Variants in BPIFC observed in about 807,000 individuals in gnomAD.
BPIFC encodes the protein BPI fold-containing family C protein.
A neutral mutation model predicts 57.6 loss-of-function variants in BPIFC; 60 were observed. That is an observed-to-expected ratio of 1.04 (90% CI 0.85 to 1.29). BPIFC has a LOEUF of 1.29. BPIFC is among the 50% of genes most tolerant of loss of function. The pLI is 0.00. For missense variants in BPIFC, 581 were observed against 600.5 expected (o/e 0.97, Z 0.34); for synonymous variants, 243 against 224.5 (o/e 1.08, Z -0.74).
At chr22:32,415,855 G>C (rs1387224315) in intron 16 of BPIFC, 60 bp downstream of exon 16, 2 of 1,183,478 alleles carry the variant, frequency 1.7e-6, no homozygotes, top group African/African-American at 3.3e-5. Context: ...AAAACAGGAG[G>C]AGGCTTAGTC....
intron 8 of BPIFC, 133 bp downstream of exon 8, chr22:32,442,538 C>T (rs5998493): frequency 0.23 from 192,411 of 850,044 alleles, 22,775 homozygotes; most frequent in Middle Eastern, 0.34. Flanking sequence ...AGCACCTTCC[C>T]GGGGCTCTAA....
At chr22:32,415,412 G>GT (rs1297786193) in intron 16 of BPIFC, among the ~76,000 whole-genome samples, 1 of 152,198 alleles carries the variant, frequency 6.6e-6, no homozygotes, top group East Asian at 1.9e-4. Context: ...AGAAAAAAAG[G>GT]TATTCTGAAG....
intron 13 of BPIFC, among the ~76,000 whole-genome samples, chr22:32,428,760 G>A (rs1934144544): frequency 6.6e-6 from 1 of 151,960 alleles, no homozygotes; most frequent in South Asian, 2.1e-4. Flanking sequence ...TTAGCCAGGT[G>A]TGGTGGCAGG....
intron 1 of BPIFC, among the ~76,000 whole-genome samples, chr22:32,462,168 C>CAAAAAAAAAAAAAAAAAAAAAGAAAA (rs1935174978): frequency 1.9e-5 from 1 of 53,598 alleles, no homozygotes; most frequent in Non-Finnish European, 3.2e-5. Flanking sequence ...GACTCCATCT[C>CAAAAAAAAAAAAAAAAAAAAAGAAAA]AAAAAAAAAA....
At chr22:32,462,184 A>AG (rs1374737026) in intron 1 of BPIFC, among the ~76,000 whole-genome samples, 16 of 145,768 alleles carry the variant, frequency 1.1e-4, no homozygotes, top group South Asian at 8.4e-4. Context: ...AAAAAAAAAA[A>AG]AAAAAAGAAA....
At chr22:32,448,481 C>A (rs970078736) in intron 4 of BPIFC, among the ~76,000 whole-genome samples, 1 of 152,192 alleles carries the variant, frequency 6.6e-6, no homozygotes, top group Non-Finnish European at 1.5e-5. Context: ...AGAAACGTGC[C>A]TTCCTCCTAT....
In BPIFC at chr22:32,435,841, A is replaced by AGG. The variant is rs199560755; in HGVS notation, c.785_786dup (p.Phe263ProfsTer78). 2.6e-5 allele frequency: 42 copies of AGG among 1,614,058 alleles called. No individual in the cohort carries two copies. In the East Asian group the frequency reaches 4.9e-4, roughly 19 times the overall value. On this transcript the variant is annotated frameshift_variant, in exon 10 of 17. Transcript: ENST00000300399. LOFTEE classifies it high-confidence loss of function. ...GGGAGCACAAAAGGAACTGGTGAGA[A>AGG]GGGGGGGTCGGTGAGGTTTTCCAGT...
chr22:32,439,256 C>T (rs1193183368), intron 8 of BPIFC, among the ~76,000 whole-genome samples: 1 of 151,778 alleles, frequency 6.6e-6, no homozygotes, highest in East Asian at 1.9e-4. Flanking sequence ...ACCCAGGAGG[C>T]GCAGGTTGCG....
intron 7 of BPIFC, among the ~76,000 whole-genome samples, chr22:32,444,239 G>T (rs17770589): frequency 0.059 from 8,935 of 152,204 alleles, 276 homozygotes; most frequent in Non-Finnish European, 0.064. Flanking sequence ...AGTGCACTTT[G>T]CCAGGGACTC....
At chr22:32,452,235 T>C (rs1408553413) in intron 4 of BPIFC, among the ~76,000 whole-genome samples, 2 of 152,228 alleles carry the variant, frequency 1.3e-5, no homozygotes, top group East Asian at 1.9e-4. Flanking sequence ...AGGCTTGATA[T>C]GTAGCAGGTG....
chr22:32,433,202 CA>C (rs1934297491), intron 11 of BPIFC, among the ~76,000 whole-genome samples: 1 of 152,110 alleles, frequency 6.6e-6, no homozygotes, highest in African/African-American at 2.4e-5. Context: ...GACCCTGTCT[CA>C]AAAAACAAAC....
Position 32,424,600 on chromosome 22 carries a change from T to TCTTCTTCTTCTTCTTCTCCTC in BPIFC, c.1218-5197_1218-5196insGAGGAGAAGAAGAAGAAGAAG, listed in dbSNP as rs1223346653. On this transcript the variant is annotated intron_variant, in intron 13 of 16. Transcript: ENST00000300399. ...TTCTTCTTCTTCTTCTTCTTCTTCTTCTCCTCCTCCTCCTCCTCCTCCTCC... is the reference window on the plus strand; with the variant it reads ...TTCTTCTTCTTCTTCTTCTTCTTCTTCTTCTTCTTCTTCTTCTCCTCCTCCTCCTCCTCCTCCTCCTCCTCC... Among the ~76,000 whole-genome samples, 8 of 78,594 alleles carry TCTTCTTCTTCTTCTTCTCCTC rather than the reference T, an allele frequency of 1.0e-4. 1 individual carries two copies. The South Asian group carries it at 1.1e-3, about 11-fold the overall frequency. 51.6% of individuals were successfully genotyped at this position (78,594 alleles called of 152,430 possible).
rs1486879460 is a variant in BPIFC, at chr22:32,461,564, A to G, written c.-1+10T>C. 1 of 984,600 alleles carries G rather than the reference A, an allele frequency of 1.0e-6. No individual in the cohort carries two copies. The highest frequency in any genetic ancestry group is 1.2e-6 in the Non-Finnish European group (1 of 829,320). The allele number at this position is 984,600 out of a possible 1,614,324, so 61.0% of individuals were successfully genotyped here. A position where few individuals can be genotyped will look rare whatever the true frequency, so the allele number is the denominator to read the frequency against. The stretch of plus-strand genomic sequence containing the variant: ...AACAGCATCTTAACACTCTGAATGG[A>G]TGCATGTACCTCCTGCAGGAGCTAG... On this transcript the variant is annotated intron_variant, in intron 2 of 16. Transcript: ENST00000300399.
At chr22:32,464,195 G>A (rs1483023625) in intron 1 of BPIFC, among the ~76,000 whole-genome samples, 179 bp downstream of exon 1, 5 of 152,108 alleles carry the variant, frequency 3.3e-5, no homozygotes, top group Admixed American at 3.3e-4. Flanking sequence ...AAGCCTCCAG[G>A]TGCGCATATG....
intron 2 of BPIFC, among the ~76,000 whole-genome samples, chr22:32,457,671 C>T (rs1320494453): frequency 6.6e-6 from 1 of 152,012 alleles, no homozygotes; most frequent in Non-Finnish European, 1.5e-5. Flanking sequence ...GTTCTAGGTG[C>T]TAAGGGTGTA....
At chr22:32,459,038 T>A (rs1366762809) in intron 2 of BPIFC, among the ~76,000 whole-genome samples, 1 of 152,238 alleles carries the variant, frequency 6.6e-6, no homozygotes, top group Non-Finnish European at 1.5e-5. Flanking sequence ...GTAATTTGGG[T>A]TTCTTTTAAT....
intron 11 of BPIFC, among the ~76,000 whole-genome samples, chr22:32,433,258 T>G (rs969816415): frequency 2.6e-5 from 4 of 152,228 alleles, no homozygotes; most frequent in Non-Finnish European, 4.4e-5. Flanking sequence ...ATCCTTGCTC[T>G]AGAACCAGGA....
chr22:32,462,190 A>AG (rs1568964102), intron 1 of BPIFC, among the ~76,000 whole-genome samples: 6 of 141,498 alleles, frequency 4.2e-5, no homozygotes, highest in African/African-American at 1.6e-4. Context: ...AAAAAAAAAA[A>AG]GAAAAAAGAA....
chr22:32,418,676 G>A lies in BPIFC; in HGVS notation c.1260+686C>T, dbSNP rs145567989. On this transcript the variant is annotated intron_variant, in intron 14 of 16. Coordinates refer to ENST00000300399, the MANE Select transcript of BPIFC (RefSeq NM_174932.3). ...AAGTATTTATCAGTAAATGAATACCGTTAATACTAATAATTAACATTATGT... is the reference window on the plus strand; with the variant it reads ...AAGTATTTATCAGTAAATGAATACCATTAATACTAATAATTAACATTATGT... Among the ~76,000 whole-genome samples, 1,370 of 152,214 alleles carry A rather than the reference G, an allele frequency of 9.0e-3. 13 individuals carry two copies. The highest frequency in any genetic ancestry group is 0.023 in the South Asian group (113 of 4,814).
Sources: allele counts gnomAD v4.1 joint callset (sites outside exome capture counted in the v4.1 genomes callset), GRCh38; gene constraint gnomAD v4.1.1; transcripts MANE v1.5; gene names NCBI Gene and HGNC (gene_info 2026-07-23, HGNC 2026-07-21).